The following MED14 variants were observed in gnomAD, a reference collection of about 807,000 sequenced individuals.
MED14 encodes the protein mediator of RNA polymerase II transcription subunit 14.
A neutral mutation model predicts 109.0 loss-of-function variants in MED14; 8 were observed. The ratio of observed to expected loss-of-function variants is 0.07; its 90% CI spans 0.04 to 0.13. The LOEUF is 0.13. MED14 is among the 10% of genes least tolerant of loss of function. The pLI is 1.00. For missense variants in MED14, 711 were observed against 1,142.4 expected (o/e 0.62, Z 5.44); for synonymous variants, 399 against 408.7 (o/e 0.98, Z 0.29).
intron 3 of MED14, among the ~76,000 whole-genome samples, chrX:40,725,944 A>T (rs1194129168): frequency 1.8e-5 from 2 of 112,077 alleles, no homozygotes; most frequent in Non-Finnish European, 3.8e-5. Context: ...TAAAGACCCC[A>T]CCAAAAAACT....
intron 10 of MED14, 57 bp from the exon 11 acceptor site, chrX:40,703,626 A>G (rs1200974654): frequency 3.1e-6 from 3 of 958,537 alleles, no homozygotes; most frequent in Non-Finnish European, 4.2e-6. Flanking sequence ...CAGAAAAATT[A>G]TTTCTCAATC....
At chrX:40,664,566 T>C (rs1353846933) in intron 24 of MED14, 77 bp from the exon 25 acceptor site, 1 of 640,918 alleles carries the variant, frequency 1.6e-6, no homozygotes, top group Non-Finnish European at 2.2e-6. Context: ...ATTCAAATCT[T>C]TACACAGTAA....
chrX:40,724,797 G>A (rs1463951211), intron 3 of MED14, among the ~76,000 whole-genome samples: 2 of 110,833 alleles, frequency 1.8e-5, no homozygotes, highest in Non-Finnish European at 3.8e-5. Flanking sequence ...AAAATTAGAA[G>A]AAATAATAAA....
rs199665594 is a variant in MED14 at position 40,664,402 on chromosome X, G to T, written c.3353C>A (p.Pro1118His). Reference sequence around the variant, plus strand: ...TCCAGGCATGCGTGCTGCTGGTGAGGGGCCAGACACTTGAGGAGATCCTGG... The same window carrying T: ...TCCAGGCATGCGTGCTGCTGGTGAGTGGCCAGACACTTGAGGAGATCCTGG... Reference protein sequence around the residue: ...NWPGSPQVSGPSPAARMPGMS... With the variant: ...NWPGSPQVSGHSPAARMPGMS... The change falls in exon 25 of 31, where the codon CCC becomes CAC. Residue 1118 changes from proline to histidine, a missense_variant. Around this residue, in one of 8 missense-constraint regions of MED14, gnomAD observed 100 missense variants for 147.5 expected, o/e 0.68. Coordinates refer to ENST00000324817, the MANE Select transcript of MED14 (RefSeq NM_004229.4). 6.9e-5 allele frequency: 83 copies of T among 1,201,099 alleles called. No individual in the cohort carries two copies. The highest frequency in any genetic ancestry group is 1.0e-5 in the Non-Finnish European group (9 of 891,346).
intron 15 of MED14, among the ~76,000 whole-genome samples, chrX:40,689,526 T>C (rs1930417480): frequency 9.0e-6 from 1 of 110,724 alleles, no homozygotes; most frequent in African/African-American, 3.3e-5. Context: ...AAACCCCGTC[T>C]CTACTAATAC....
At position 40,735,338 on chromosome X, in the gene MED14, C is replaced by A; in HGVS notation, c.75G>T (p.Pro25=). The A allele has an allele frequency of 1.8e-6, 2 of 1,082,726 alleles. No homozygotes were observed. The highest frequency in any genetic ancestry group is 2.4e-6 in the Non-Finnish European group (2 of 835,452). 89.2% of individuals were successfully genotyped at this position (1,082,726 alleles called of 1,213,427 possible). A position where few individuals can be genotyped will look rare whatever the true frequency, so the allele number is the denominator to read the frequency against. The stretch of plus-strand genomic sequence containing the variant: ...CCGGGGGAGGAGGGGCTGGGGCTGA[C>A]GGGGGTCCGCCGCTGCCCCCGCCGC... The part of the protein sequence containing the change: ...GGGGGGSGGP[P]SAPAPPPPGA... Residue 25 remains proline, a synonymous_variant, in exon 1 of 31, where the codon CCG becomes CCT. Coordinates refer to ENST00000324817, the MANE Select transcript of MED14 (RefSeq NM_004229.4).
chrX:40,654,329 T>C, intron 30 of MED14, 35 bp downstream of exon 30: 1 of 1,180,865 alleles, frequency 8.5e-7, no homozygotes, highest in South Asian at 1.8e-5. Context: ...TTTTATAACA[T>C]ATATGCAATA....
chrX:40,709,307 TTAAAC>T (rs757484358), intron 10 of MED14, 36 bp downstream of exon 10: 161 of 688,744 alleles, frequency 2.3e-4, no homozygotes, highest in Non-Finnish European at 3.2e-4. Flanking sequence ...GGATTCTAGT[TTAAAC>T]AAAAGAAAAA....
chrX:40,687,032 TC>T (rs1370659066), intron 16 of MED14, among the ~76,000 whole-genome samples: 5 of 111,607 alleles, frequency 4.5e-5, no homozygotes, highest in African/African-American at 9.8e-5. Context: ...CTACCCCAGC[TC>T]AATTACTATC....
At chrX:40,733,157 T>A (rs969952244) in intron 1 of MED14, among the ~76,000 whole-genome samples, 1 of 106,993 alleles carries the variant, frequency 9.3e-6, no homozygotes, top group Non-Finnish European at 1.9e-5. Flanking sequence ...CAGTCTGGAG[T>A]GCAGTGGTGC....
chrX:40,726,846 A>G lies in MED14; in HGVS notation c.248T>C (p.Ile83Thr). ...CCGGCTAGCAAACTGCACTATTTCT[A>G]TTTTCCTATAAAATAAAACAACTCT... Reference protein sequence around the residue: ...LPRKSDVERKIEIVQFASRTR... With the variant: ...LPRKSDVERKTEIVQFASRTR... Residue 83 changes from isoleucine to threonine, a missense_variant, in exon 3 of 31, where the codon ATA becomes ACA. This residue lies in a region of MED14 where 31 missense variants were observed against 79.3 expected (regional missense o/e 0.39). Coordinates refer to ENST00000324817, the MANE Select transcript of MED14 (RefSeq NM_004229.4). The G allele has an allele frequency of 8.4e-7, 1 of 1,196,639 alleles. No homozygotes were observed. Among genetic ancestry groups the G allele is most frequent in the Non-Finnish European group, 1.1e-6 (1 of 886,046 alleles).
At position 40,650,483 on chromosome X, in the gene MED14, T is replaced by A; in HGVS notation, c.*1323A>T. On this transcript the variant is annotated 3_prime_UTR_variant, in exon 31 of 31. Coordinates refer to ENST00000324817, the MANE Select transcript of MED14 (RefSeq NM_004229.4). ...GAGAACCAGTATTACAGTGACCAGG[T>A]AACTCGGCATGGTATTATCACTTAA... is the stretch of plus-strand genomic sequence containing the variant. 2 of 753,937 alleles carry A rather than the reference T, an allele frequency of 2.7e-6. No homozygotes were observed. The highest frequency in any genetic ancestry group is 3.1e-6 in the Non-Finnish European group (2 of 639,007). 62.1% of individuals were successfully genotyped at this position (753,937 alleles called of 1,213,427 possible).
chrX:40,652,379 T>C (rs1928910382), intron 30 of MED14, among the ~76,000 whole-genome samples: 1 of 112,232 alleles, frequency 8.9e-6, no homozygotes, highest in African/African-American at 3.2e-5. Context: ...GCCATGGCTA[T>C]TAAGCACTTG....
At chrX:40,700,363 C>CAA (rs749901603) in intron 12 of MED14, among the ~76,000 whole-genome samples, 60 of 4,949 alleles carry the variant, frequency 0.012, 10 homozygotes, top group African/African-American at 0.025. Context: ...AACCCTGTCT[C>CAA]AAAAAAAAAA....
chrX:40,662,871 T>C, intron 26 of MED14, 54 bp downstream of exon 26: 2 of 943,597 alleles, frequency 2.1e-6, no homozygotes, highest in Non-Finnish European at 3.0e-6. Flanking sequence ...TGCAGGACAA[T>C]TTAGCATTTT....
chrX:40,678,880 T>C (rs890524184), intron 21 of MED14, among the ~76,000 whole-genome samples: 6 of 110,451 alleles, frequency 5.4e-5, no homozygotes, highest in African/African-American at 1.3e-4. Flanking sequence ...AATCAGATAA[T>C]GCCCTCAACC....
At chrX:40,716,506 C>T (rs1322899465) in intron 3 of MED14, among the ~76,000 whole-genome samples, 1 of 107,865 alleles carries the variant, frequency 9.3e-6, no homozygotes, top group Admixed American at 1.0e-4. Context: ...GGGAGGATCA[C>T]TTGAGCCCAG....
intron 1 of MED14, among the ~76,000 whole-genome samples, chrX:40,730,733 T>C (rs1932048533): frequency 9.0e-6 from 1 of 110,883 alleles, no homozygotes; most frequent in Non-Finnish European, 1.9e-5. Flanking sequence ...AGTTCTAAAA[T>C]GCAAATGTTG....
rs1440562311 is a variant in MED14, at chrX:40,685,930, C to T, written c.2057+2524G>A. Among the ~76,000 whole-genome samples the T allele has an allele frequency of 2.7e-5, 3 of 111,834 alleles. 1 individual carries two copies. The Admixed American group carries it at 2.9e-4, about 11-fold the overall frequency. On this transcript the variant is annotated intron_variant, in intron 16 of 30. Coordinates refer to ENST00000324817, the MANE Select transcript of MED14 (RefSeq NM_004229.4). ...ATATTCATATTCAATATTAATATAT[C>T]CAGAACTAAAAGCTTGTTACAAGAG...
Sources: gnomAD v4.1 joint callset for allele counts (sites outside exome capture counted in the v4.1 genomes callset) on GRCh38, gnomAD v4.1.1 for gene constraint, gnomAD v4.1.1 regional missense constraint, MANE v1.5 for transcripts, NCBI Gene and HGNC (gene_info 2026-07-23, HGNC 2026-07-21) for gene names.